NAV2: variants seen among roughly 807,000 people sequenced by gnomAD.
NAV2 encodes the protein neuron navigator 2, also known as helicase, APC down-regulated 1.
Under a neutral mutation model 223.2 loss-of-function variants are expected in NAV2, and 54 were observed. The observed-to-expected ratio is 0.24, with a 90% CI of 0.19 to 0.30. NAV2 has a LOEUF of 0.30. Ranked by LOEUF, NAV2 falls within the 10% of genes least tolerant of loss-of-function variation. The pLI is 1.00. For missense variants in NAV2, 2,806 were observed against 3,147.5 expected, an observed-to-expected ratio of 0.89 and a Z score of 2.60; for synonymous variants, 1,279 against 1,239.3, an observed-to-expected ratio of 1.03 and a Z score of -0.67.
At chr11:19,902,934 T>C (rs972767903) in intron 6 of NAV2, among the ~76,000 whole-genome samples, 1 of 152,190 alleles carries the variant, frequency 6.6e-6, no homozygotes, top group Non-Finnish European at 1.5e-5. Flanking sequence ...AGTGCAAGCA[T>C]GGAGTGCTGA....
At chr11:20,008,170 C>T (rs1047793448) in intron 11 of NAV2, among the ~76,000 whole-genome samples, 24 of 152,210 alleles carry the variant, frequency 1.6e-4, no homozygotes, top group East Asian at 7.8e-4. Context: ...AGTTCAAGAC[C>T]GGCCTGGCCA....
At chr11:20,071,797 T>C (rs2059422850) in intron 22 of NAV2, among the ~76,000 whole-genome samples, 1 of 152,228 alleles carries the variant, frequency 6.6e-6, no homozygotes, top group Non-Finnish European at 1.5e-5. Flanking sequence ...TTTTTTCTTG[T>C]AAATTTGTTT....
chr11:19,437,131 A>G (rs563220676), intron 1 of NAV2, among the ~76,000 whole-genome samples: 4 of 152,330 alleles, frequency 2.6e-5, no homozygotes, highest in Non-Finnish European at 4.4e-5. Flanking sequence ...GTGCATTTCT[A>G]GATAATGTGA....
At chr11:19,840,128 C>CTT (rs1275846470) in intron 2 of NAV2, among the ~76,000 whole-genome samples, 2 of 152,020 alleles carry the variant, frequency 1.3e-5, no homozygotes, top group Non-Finnish European at 1.5e-5. Flanking sequence ...ACTAGGAGGC[C>CTT]CAAAACTCAT....
intron 1 of NAV2, among the ~76,000 whole-genome samples, chr11:19,823,695 G>C (rs910075642): frequency 1.3e-5 from 2 of 152,114 alleles, no homozygotes; most frequent in African/African-American, 4.8e-5. Context: ...CAACTCAGTA[G>C]GTCCTAAGGA....
At chr11:19,617,478 G>A (rs759934313) in intron 1 of NAV2, among the ~76,000 whole-genome samples, 3 of 152,308 alleles carry the variant, frequency 2.0e-5, no homozygotes, top group Middle Eastern at 6.8e-3. Flanking sequence ...TGAGGATTCT[G>A]TACTAAAGAG....
At chr11:20,007,864 C>A (rs2053218883) in intron 11 of NAV2, among the ~76,000 whole-genome samples, 1 of 152,214 alleles carries the variant, frequency 6.6e-6, no homozygotes, top group African/African-American at 2.4e-5. Context: ...TATCCCCGCA[C>A]ACACTTTAGA....
Position 19,396,183 on chromosome 11 carries a change from T to C in NAV2, c.75+45156T>C, listed in dbSNP as rs543006079. On this transcript the variant is annotated intron_variant, in intron 1 of 37. Coordinates refer to the NAV2 transcript ENST00000360655. ...CTATGAAAATACAGAGGAGAGAGGA[T>C]GTCTTTAAATCAGCAGAACAACTGG... Among the ~76,000 whole-genome samples the C allele has an allele frequency of 1.0e-3, 158 of 152,262 alleles. 2 individuals carry two copies. The highest frequency in any genetic ancestry group is 3.6e-3 in the African/African-American group (148 of 41,560).
chr11:19,880,273 C>T (rs2063119776), intron 5 of NAV2, 146 bp downstream of exon 5: 3 of 1,174,450 alleles, frequency 2.6e-6, no homozygotes, highest in Non-Finnish European at 3.5e-6. Context: ...TTAGCATGGC[C>T]TTGAAATGCA....
chr11:20,117,874 T>G lies in NAV2; in HGVS notation c.7165-259T>G, dbSNP rs138485685. Among the ~76,000 whole-genome samples the G allele has an allele frequency of 7.0e-3, 1,067 of 152,350 alleles. 4 individuals are homozygous for G. Among genetic ancestry groups the G allele is most frequent in the Non-Finnish European group, 0.012 (794 of 68,028 alleles). The stretch of plus-strand genomic sequence containing the variant: ...ACCCATAACATTATAGGGCAGGTAC[T>G]ATTATTATTCACATTTGACCAGTAA... On this transcript the variant is annotated intron_variant, in intron 37 of 37. Coordinates refer to ENST00000349880, the MANE Select transcript of NAV2 (RefSeq NM_145117.5).
intron 12 of NAV2, among the ~76,000 whole-genome samples, chr11:20,041,361 A>C (rs1474215223): frequency 6.6e-6 from 1 of 152,168 alleles, no homozygotes; most frequent in Non-Finnish European, 1.5e-5. Context: ...TGAGACTATT[A>C]ACTGTAATTT....
At chr11:20,105,272 A>G (rs2061944618) in intron 34 of NAV2, 1 of 366,236 alleles carries the variant, frequency 2.7e-6, no homozygotes, top group South Asian at 5.5e-5. Context: ...TGATCCTGGA[A>G]AAGTTACATG....
At chr11:19,720,350 C>T (rs1245939584) in intron 1 of NAV2, among the ~76,000 whole-genome samples, 3 of 152,212 alleles carry the variant, frequency 2.0e-5, no homozygotes, top group African/African-American at 7.2e-5. Context: ...CAGGAACCCC[C>T]ATTCGCCCAC....
chr11:19,611,048 A>G (rs892693513), intron 1 of NAV2, among the ~76,000 whole-genome samples: 1 of 152,218 alleles, frequency 6.6e-6, no homozygotes, highest in Admixed American at 6.5e-5. Flanking sequence ...ACAGTTCCAC[A>G]TGGCTAGGGA....
At chr11:20,035,373 T>C (rs2153565123) in intron 11 of NAV2, among the ~76,000 whole-genome samples, 1 of 152,238 alleles carries the variant, frequency 6.6e-6, no homozygotes, top group Non-Finnish European at 1.5e-5. Context: ...ACTGACCTCA[T>C]TCGGTTGGAG....
At chr11:19,936,067 C>T (rs924856020) in intron 7 of NAV2, among the ~76,000 whole-genome samples, 2 of 150,072 alleles carry the variant, frequency 1.3e-5, no homozygotes, top group Non-Finnish European at 3.0e-5. Flanking sequence ...CAGGATTTCA[C>T]CATGTTGTCC....
chr11:19,482,807 A>G (rs902698703), intron 1 of NAV2, among the ~76,000 whole-genome samples: 4 of 152,212 alleles, frequency 2.6e-5, no homozygotes, highest in African/African-American at 9.7e-5. Flanking sequence ...TCTTTAAGGC[A>G]GTTGGGATCA....
At chr11:19,971,636 T>C (rs983690258) in intron 10 of NAV2, among the ~76,000 whole-genome samples, 1 of 152,194 alleles carries the variant, frequency 6.6e-6, no homozygotes, top group African/African-American at 2.4e-5. Flanking sequence ...CCTTAATTAG[T>C]TCAAAATCTG....
chr11:19,404,725 A>T (rs1429935945), intron 1 of NAV2, among the ~76,000 whole-genome samples: 1 of 152,202 alleles, frequency 6.6e-6, no homozygotes, highest in Non-Finnish European at 1.5e-5. Flanking sequence ...TGCTAAATCG[A>T]GTGATCACAA....
Sources: allele counts gnomAD v4.1 joint callset (sites outside exome capture counted in the v4.1 genomes callset), GRCh38; gene constraint gnomAD v4.1.1; transcripts MANE v1.5; gene names NCBI Gene and HGNC (gene_info 2026-07-23, HGNC 2026-07-21).